The following N4BP1 variants were observed in gnomAD, a reference collection of about 807,000 sequenced individuals.
N4BP1 encodes NEDD4-binding protein 1.
N4BP1 carries 21 observed loss-of-function variants against 70.9 expected under a neutral mutation model. That is an observed-to-expected ratio of 0.30 (90% CI 0.21 to 0.43). The LOEUF (loss-of-function observed/expected upper bound fraction) is 0.43, where lower values mean the gene tolerates loss of function less well. N4BP1 is among the 20% of genes least tolerant of loss of function. The probability of loss-of-function intolerance (pLI) is 1.00; values close to 1 mark genes in which losing one functional copy is unlikely to be tolerated. For missense variants in N4BP1, 936 were observed against 1,069.4 expected, an observed-to-expected ratio of 0.88 and a Z score of 1.74; for synonymous variants, 387 against 394.6, an observed-to-expected ratio of 0.98 and a Z score of 0.23.
intron 1 of N4BP1, among the ~76,000 whole-genome samples, 165 bp from the exon 2 acceptor site, chr16:48,562,609 G>A (rs1424381780): frequency 6.6e-6 from 1 of 152,116 alleles, no homozygotes; most frequent in Admixed American, 6.5e-5. Context: ...GAAAATAACA[G>A]ATATAACTTG....
At chr16:48,546,099 G>T (rs763098530) in intron 6 of N4BP1, 48 bp downstream of exon 6, 4 of 1,256,614 alleles carry the variant, frequency 3.2e-6, no homozygotes, top group Admixed American at 2.0e-5. Flanking sequence ...AAAGCACAAA[G>T]AATTGAAATA....
At chr16:48,605,446 T>A (rs1964565069) in intron 1 of N4BP1, among the ~76,000 whole-genome samples, 1 of 152,196 alleles carries the variant, frequency 6.6e-6, no homozygotes, top group Non-Finnish European at 1.5e-5. Flanking sequence ...CTTTAATCTC[T>A]ATTTGCGAAT....
In N4BP1 at chr16:48,552,018, A is replaced by G. The variant is rs375287667; in HGVS notation, c.2021-536T>C. Among the ~76,000 whole-genome samples, 183 of 152,278 alleles carry G rather than the reference A, an allele frequency of 1.2e-3. 4 individuals carry two copies. In the South Asian group the frequency reaches 0.036, roughly 30 times the overall value. ...GGGTATTTAATGAAGCCTACCATCA[A>G]AAACTCTTTCAGAGCTATACTACAA... On this transcript the variant is annotated intron_variant, in intron 3 of 6. Coordinates refer to ENST00000262384, the MANE Select transcript of N4BP1 (RefSeq NM_153029.4).
intron 1 of N4BP1, among the ~76,000 whole-genome samples, chr16:48,588,672 C>A (rs904819): frequency 0.4 from 60,807 of 151,508 alleles, 13,108 homozygotes; most frequent in African/African-American, 0.56. Flanking sequence ...AAAAGAACTT[C>A]TGCAATGATG....
At chr16:48,585,475 T>TA (rs993681848) in intron 1 of N4BP1, among the ~76,000 whole-genome samples, 12 of 147,274 alleles carry the variant, frequency 8.1e-5, no homozygotes, top group East Asian at 4.0e-4. Flanking sequence ...TGTCTCTATT[T>TA]AAAAAAAAAA....
At position 48,600,371 on chromosome 16, in the gene N4BP1, A is replaced by G. The variant is rs1436421856; in HGVS notation, c.198+9404T>C. ...AGCTTACACTGGATAATTCATTTGAATATGAAAAACATAGAAATGAAACCA... is the reference window on the plus strand; with the variant it reads ...AGCTTACACTGGATAATTCATTTGAGTATGAAAAACATAGAAATGAAACCA... On this transcript the variant is annotated intron_variant, in intron 1 of 6. Coordinates refer to ENST00000262384, the MANE Select transcript of N4BP1 (RefSeq NM_153029.4). The G allele has an allele frequency of 1.1e-5, 8 of 753,160 alleles. 1 individual carries two copies. Among genetic ancestry groups the G allele is most frequent in the South Asian group, 6.8e-5 (5 of 73,708 alleles). The allele number at this position is 753,160 out of a possible 1,614,324, so 46.7% of individuals were successfully genotyped here. A position where few individuals can be genotyped will look rare whatever the true frequency, so the allele number is the denominator to read the frequency against.
intron 1 of N4BP1, among the ~76,000 whole-genome samples, chr16:48,571,266 G>T (rs938378951): frequency 6.6e-6 from 1 of 152,156 alleles, no homozygotes; most frequent in East Asian, 1.9e-4. Flanking sequence ...TGGGCCACCA[G>T]CAACAACCAG....
intron 4 of N4BP1, among the ~76,000 whole-genome samples, chr16:48,549,464 T>C (rs1396063257): frequency 6.6e-6 from 1 of 152,194 alleles, no homozygotes; most frequent in Non-Finnish European, 1.5e-5. Context: ...GTCTGCATAC[T>C]TGTACGTGTG....
intron 1 of N4BP1, among the ~76,000 whole-genome samples, chr16:48,591,886 G>A (rs190705796): frequency 8.9e-6 from 1 of 112,082 alleles, no homozygotes; most frequent in Non-Finnish European, 1.9e-5. Flanking sequence ...GTTACCTGAC[G>A]TTTTTTTTTT....
In N4BP1 at chr16:48,609,771, T is replaced by G; in HGVS notation, c.198+4A>C. 7.2e-7 allele frequency: 1 copy of G among 1,383,874 alleles called. No homozygotes were observed. The highest frequency in any genetic ancestry group is 9.3e-7 in the Non-Finnish European group (1 of 1,069,906). 85.7% of individuals were successfully genotyped at this position (1,383,874 alleles called of 1,614,324 possible). A position where few individuals can be genotyped will look rare whatever the true frequency, so the allele number is the denominator to read the frequency against. On this transcript the variant is annotated splice_donor_region_variant and intron_variant, in intron 1 of 6. Coordinates refer to ENST00000262384, the MANE Select transcript of N4BP1 (RefSeq NM_153029.4). ...GGGCGCGCGGGGGCGGCGGCCGGAC[T>G]CACCTTGGCGCTGTGCACCGCCTCC... is the stretch of plus-strand genomic sequence containing the variant.
intron 1 of N4BP1, among the ~76,000 whole-genome samples, chr16:48,601,781 C>A (rs74483704): frequency 6.6e-6 from 1 of 152,078 alleles, no homozygotes; most frequent in Admixed American, 6.6e-5. Context: ...ACAATCAGGG[C>A]GCACTACAGA....
rs1426404617 is a variant in N4BP1 at position 48,551,489 on chromosome 16, A to G, written c.2021-7T>C. The G allele has an allele frequency of 1.3e-6, 2 of 1,599,936 alleles. No individual in the cohort carries two copies. Among genetic ancestry groups the G allele is most frequent in the Non-Finnish European group, 1.7e-6 (2 of 1,169,386 alleles). On this transcript the variant is annotated splice_region_variant and splice_polypyrimidine_tract_variant and intron_variant, in intron 3 of 6. Coordinates refer to ENST00000262384, the MANE Select transcript of N4BP1 (RefSeq NM_153029.4). Reference sequence around the variant, plus strand: ...TGGGTTAAGAAGTGCTGTTCTGTTCATGGAATAAGTTGAATATACATTCAG... The same window carrying G: ...TGGGTTAAGAAGTGCTGTTCTGTTCGTGGAATAAGTTGAATATACATTCAG...
chr16:48,545,335 C>T (rs568127492), intron 6 of N4BP1, among the ~76,000 whole-genome samples: 9 of 150,550 alleles, frequency 6.0e-5, no homozygotes, highest in Non-Finnish European at 1.2e-4. Flanking sequence ...TTTAGGAGGC[C>T]GAAGCGGGTG....
chr16:48,546,737 A>G (rs1963596677), intron 5 of N4BP1, among the ~76,000 whole-genome samples: 1 of 152,264 alleles, frequency 6.6e-6, no homozygotes, highest in African/African-American at 2.4e-5. Flanking sequence ...ACTATTTATC[A>G]TATCAGGGGA....
chr16:48,551,878 T>G (rs961654692), intron 3 of N4BP1, among the ~76,000 whole-genome samples: 2 of 151,750 alleles, frequency 1.3e-5, no homozygotes, highest in Admixed American at 1.3e-4. Context: ...ATTAGCCAGG[T>G]GTGGTGGCGC....
At chr16:48,593,012 G>A (rs559488865) in intron 1 of N4BP1, among the ~76,000 whole-genome samples, 2 of 152,332 alleles carry the variant, frequency 1.3e-5, no homozygotes, top group South Asian at 4.1e-4. Flanking sequence ...TCTAAGTCAT[G>A]AAAGGATTCA....
At chr16:48,557,849 T>TA (rs1349138873) in intron 2 of N4BP1, among the ~76,000 whole-genome samples, 1 of 152,176 alleles carries the variant, frequency 6.6e-6, no homozygotes, top group Admixed American at 6.5e-5. Flanking sequence ...CTATGGGTAT[T>TA]AGAGGTAGTT....
intron 3 of N4BP1, among the ~76,000 whole-genome samples, chr16:48,552,400 G>A (rs1034579032): frequency 2.0e-5 from 3 of 151,774 alleles, no homozygotes; most frequent in Non-Finnish European, 4.4e-5. Context: ...GAGCACATAA[G>A]CACTAAGAGA....
chr16:48,555,058 A>G (rs1046069831), intron 2 of N4BP1, among the ~76,000 whole-genome samples: 6 of 152,046 alleles, frequency 3.9e-5, no homozygotes, highest in African/African-American at 9.7e-5. Flanking sequence ...GTTGCTTTCT[A>G]TATGTGTGAT....
Sources: allele counts gnomAD v4.1 joint callset (sites outside exome capture counted in the v4.1 genomes callset), GRCh38; gene constraint gnomAD v4.1.1; transcripts MANE v1.5; gene names NCBI Gene and HGNC (gene_info 2026-07-23, HGNC 2026-07-21).